The following EML1 variants were observed in gnomAD, a reference collection of about 807,000 sequenced individuals.
EML1 encodes EMAP like 1.
Under a neutral mutation model 110.4 loss-of-function variants are expected in EML1, and 27 were observed. The observed-to-expected ratio is 0.24, with a 90% CI of 0.18 to 0.34. The LOEUF (loss-of-function observed/expected upper bound fraction) is 0.34, where lower values mean the gene tolerates loss of function less well. Among genes scored for constraint, EML1 ranks in the 10% least tolerant of loss-of-function variants. The pLI, the probability that EML1 is intolerant of heterozygous loss-of-function variation, is 1.00. For missense variants in EML1, 741 were observed against 1,030.9 expected (o/e 0.72, Z 3.85); for synonymous variants, 344 against 385.8 (o/e 0.89, Z 1.27).
intron 1 of EML1, among the ~76,000 whole-genome samples, chr14:99,760,516 C>T (rs1228515721): frequency 6.6e-6 from 1 of 152,128 alleles, no homozygotes; most frequent in Admixed American, 6.5e-5. Context: ...TAGAACGCAC[C>T]GTTCAAAGGA....
intron 1 of EML1, among the ~76,000 whole-genome samples, chr14:99,760,313 A>G (rs1351122527): frequency 6.6e-6 from 1 of 152,096 alleles, no homozygotes; most frequent in African/African-American, 2.4e-5. Context: ...CTTTCTGTGC[A>G]AAGTTGCCCT....
chr14:99,911,904 CTT>C (rs879496128), intron 13 of EML1, among the ~76,000 whole-genome samples: 2 of 131,480 alleles, frequency 1.5e-5, no homozygotes. Flanking sequence ...TTCTTTCTTT[CTT>C]TTTTTTTTTA....
chr14:99,795,454 TTTG>T (rs1255430910), intron 1 of EML1, among the ~76,000 whole-genome samples: 2 of 152,224 alleles, frequency 1.3e-5, no homozygotes, highest in Non-Finnish European at 2.9e-5. Context: ...CAGCTCTGTA[TTTG>T]TTATTTTTTT....
intron 7 of EML1, 101 bp downstream of exon 7, chr14:99,897,395 T>A: frequency 8.5e-7 from 1 of 1,174,824 alleles, no homozygotes; most frequent in Non-Finnish European, 1.1e-6. Flanking sequence ...AGTGAAACCC[T>A]GTCTCTAAAA....
upstream of EML1, among the ~76,000 whole-genome samples, chr14:99,790,426 C>G (rs1336534199): frequency 6.6e-6 from 1 of 152,184 alleles, no homozygotes; most frequent in Non-Finnish European, 1.5e-5. Context: ...CAGCCTCAAC[C>G]TCCTGGGCCC....
At chr14:99,923,163 A>G (rs1180503514) in intron 17 of EML1, among the ~76,000 whole-genome samples, 2 of 152,122 alleles carry the variant, frequency 1.3e-5, no homozygotes, top group African/African-American at 4.8e-5. Flanking sequence ...GCTGGTCTTG[A>G]ACTCCTGGGC....
chr14:99,898,083 C>A (rs1197727900), intron 7 of EML1, 150 bp from the exon 8 acceptor site: 4 of 519,084 alleles, frequency 7.7e-6, no homozygotes, highest in Non-Finnish European at 1.3e-5. Context: ...TGTCTAACGT[C>A]GTGGTGCTCA....
chr14:99,870,244 A>G (rs906725544), intron 3 of EML1, among the ~76,000 whole-genome samples: 6 of 152,368 alleles, frequency 3.9e-5, no homozygotes, highest in African/African-American at 1.4e-4. Flanking sequence ...GCCAAAGCCT[A>G]ATACAGAGCA....
chr14:99,824,726 G>A (rs1445380766), intron 1 of EML1, among the ~76,000 whole-genome samples: 1 of 152,130 alleles, frequency 6.6e-6, no homozygotes, highest in Non-Finnish European at 1.5e-5. Flanking sequence ...ACCCTGAACA[G>A]TGGACCCCAT....
intron 17 of EML1, among the ~76,000 whole-genome samples, chr14:99,923,935 T>A (rs34768745): frequency 0.55 from 83,309 of 152,054 alleles, 23,628 homozygotes; most frequent in East Asian, 0.61. Context: ...ATTACAGGTG[T>A]GAGGCACCAC....
intron 4 of EML1, among the ~76,000 whole-genome samples, chr14:99,889,634 C>T (rs943011200): frequency 2.6e-5 from 4 of 152,140 alleles, no homozygotes; most frequent in African/African-American, 7.2e-5. Flanking sequence ...TGGCTGACTT[C>T]GGGGAGGATG....
chr14:99,770,921 AC>A (rs938129613), upstream of EML1, among the ~76,000 whole-genome samples: 14 of 150,740 alleles, frequency 9.3e-5, no homozygotes, highest in African/African-American at 3.4e-4. Context: ...AGTAGCTGGG[AC>A]TACAGGCGCC....
At chr14:99,895,588 G>A (rs1334635238) in intron 6 of EML1, among the ~76,000 whole-genome samples, 1 of 152,096 alleles carries the variant, frequency 6.6e-6, no homozygotes, top group South Asian at 2.1e-4. Flanking sequence ...TCTGAAAGGA[G>A]GACTAGCATT....
intron 1 of EML1, among the ~76,000 whole-genome samples, chr14:99,820,715 T>C (rs1207432887): frequency 6.6e-6 from 1 of 152,150 alleles, no homozygotes; most frequent in Non-Finnish European, 1.5e-5. Flanking sequence ...ATTGAAGCTA[T>C]ATTTTGCTTT....
chr14:99,819,800 C>G lies in EML1; in HGVS notation c.67+26257C>G, dbSNP rs141026024. ...ACCGAGCATCCCTCAGTGAAGCGCC[C>G]AGGCCCACACCACGCAGCCAGCCTC... is the stretch of plus-strand genomic sequence containing the variant. On this transcript the variant is annotated intron_variant, in intron 1 of 21. Transcript: ENST00000262233. Among the ~76,000 whole-genome samples the G allele has an allele frequency of 2.0e-3, 309 of 152,350 alleles. 3 individuals are homozygous for G. In the South Asian group the frequency reaches 0.021, roughly 11 times the overall value.
rs2059333541 is a variant in EML1 at position 99,878,590 on chromosome 14, C to T, written c.489C>T (p.Ser163=). ...GNRNRTGSTS[S]SSSGKKNSES... Reference sequence around the variant, plus strand: ...GGAATCGCACAGGCTCCACCAGCAGCTCTTCCAGTGGCAAAAAGAACAGTG... The same window carrying T: ...GGAATCGCACAGGCTCCACCAGCAGTTCTTCCAGTGGCAAAAAGAACAGTG... The change falls in exon 4 of 22, where the codon AGC becomes AGT. Residue 163 remains serine, a synonymous_variant. Coordinates refer to ENST00000262233, the MANE Select transcript of EML1 (RefSeq NM_004434.3). 6.2e-7 allele frequency: 1 copy of T among 1,613,900 alleles called. No homozygotes were observed. The highest frequency in any genetic ancestry group is 8.5e-7 in the Non-Finnish European group (1 of 1,179,930).
chr14:99,906,028 G>A (rs986950513), intron 9 of EML1, among the ~76,000 whole-genome samples: 1 of 152,190 alleles, frequency 6.6e-6, no homozygotes, highest in Admixed American at 6.5e-5. Context: ...CCAGAAAGAT[G>A]TTACCAGACC....
At chr14:99,895,257 T>C (rs563612568) in intron 6 of EML1, among the ~76,000 whole-genome samples, 3 of 152,238 alleles carry the variant, frequency 2.0e-5, no homozygotes, top group South Asian at 2.1e-4. Flanking sequence ...TTTTAAGAGA[T>C]AGTCTCTCCC....
intron 1 of EML1, among the ~76,000 whole-genome samples, chr14:99,798,187 A>G (rs2057810110): frequency 6.6e-6 from 1 of 152,176 alleles, no homozygotes; most frequent in South Asian, 2.1e-4. Flanking sequence ...TTTGAAGACA[A>G]TGATTATAGT....
Sources: gnomAD v4.1 joint callset for allele counts (sites outside exome capture counted in the v4.1 genomes callset) on GRCh38, gnomAD v4.1.1 for gene constraint, MANE v1.5 for transcripts, NCBI Gene and HGNC (gene_info 2026-07-23, HGNC 2026-07-21) for gene names.